Variants in PDGFC observed in about 807,000 individuals in gnomAD.
The protein encoded by PDGFC is platelet derived growth factor C.
In PDGFC, 12 loss-of-function variants were observed where a neutral mutation model predicts 35.5. That is an observed-to-expected ratio of 0.34 (90% CI 0.22 to 0.55). The LOEUF is 0.55. PDGFC is among the 20% of genes least tolerant of loss of function. The pLI is 0.91. For missense variants in PDGFC, 322 were observed against 412.4 expected (o/e 0.78, Z 1.90); for synonymous variants, 159 against 148.8 (o/e 1.07, Z -0.50).
At chr4:156,908,962 A>G (rs1054458315) in intron 1 of PDGFC, among the ~76,000 whole-genome samples, 1 of 152,232 alleles carries the variant, frequency 6.6e-6, no homozygotes, top group African/African-American at 2.4e-5. Flanking sequence ...CATTATGGTA[A>G]GGGAAAGGAG....
intron 1 of PDGFC, among the ~76,000 whole-genome samples, chr4:156,950,188 G>A (rs529778854): frequency 5.3e-5 from 8 of 151,928 alleles, no homozygotes; most frequent in East Asian, 3.9e-4. Flanking sequence ...GTTATCTGCC[G>A]AAAAGTAGTA....
At chr4:156,870,474 CT>C (rs1222778401) in intron 1 of PDGFC, among the ~76,000 whole-genome samples, 1 of 152,060 alleles carries the variant, frequency 6.6e-6, no homozygotes, top group Non-Finnish European at 1.5e-5. Flanking sequence ...ATATTATTAT[CT>C]TCTACTTCAT....
chr4:156,825,611 G>T lies in PDGFC; in HGVS notation c.315-14594C>A, dbSNP rs976629027. On this transcript the variant is annotated intron_variant, in intron 2 of 5. Coordinates refer to ENST00000502773, the MANE Select transcript of PDGFC (RefSeq NM_016205.3). ...ATAATAATAAGAAGAAGAAGAAGAAGAAGAAGAAGAAGAAGAAGAAGAAGA... is the reference window on the plus strand; with the variant it reads ...ATAATAATAAGAAGAAGAAGAAGAATAAGAAGAAGAAGAAGAAGAAGAAGA... Among the ~76,000 whole-genome samples the T allele has an allele frequency of 2.8e-3, 360 of 129,662 alleles. 1 individual carries two copies. Among genetic ancestry groups the T allele is most frequent in the African/African-American group, 4.9e-3 (166 of 33,814 alleles). 85.1% of individuals were successfully genotyped at this position (129,662 alleles called of 152,430 possible).
intron 1 of PDGFC, among the ~76,000 whole-genome samples, chr4:156,965,892 C>T (rs17035469): frequency 0.42 from 63,143 of 151,890 alleles, 13,803 homozygotes; most frequent in African/African-American, 0.54. Context: ...ACAATCAGTA[C>T]GGCAGGAACA....
chr4:156,942,315 C>T (rs538831315), intron 1 of PDGFC, among the ~76,000 whole-genome samples: 1 of 152,012 alleles, frequency 6.6e-6, no homozygotes, highest in Admixed American at 6.6e-5. Context: ...ATCGAATGTA[C>T]TTTATTTTTC....
chr4:156,826,409 G>A lies in PDGFC; in HGVS notation c.315-15392C>T, dbSNP rs190780594. 2.5e-3 allele frequency among the ~76,000 whole-genome samples: 377 copies of A among 151,956 alleles called. 5 individuals carry two copies. The highest frequency in any genetic ancestry group is 8.7e-3 in the African/African-American group (360 of 41,462). On this transcript the variant is annotated intron_variant, in intron 2 of 5. Coordinates refer to ENST00000502773, the MANE Select transcript of PDGFC (RefSeq NM_016205.3). ...GTAGAGACAGGGTTTCACCCTGTTA[G>A]CCAGGTTGGTCTTGAACTCCTGACC...
intron 1 of PDGFC, among the ~76,000 whole-genome samples, chr4:156,951,020 CT>C (rs1732067667): frequency 6.6e-6 from 1 of 151,814 alleles, no homozygotes; most frequent in African/African-American, 2.4e-5. Context: ...ATATATACTT[CT>C]CTTTCACCTC....
intron 3 of PDGFC, among the ~76,000 whole-genome samples, chr4:156,792,764 A>T (rs1387661432): frequency 6.6e-6 from 1 of 152,204 alleles, no homozygotes; most frequent in African/African-American, 2.4e-5. Flanking sequence ...TAATGCAGAG[A>T]ACAAATTTCA....
intron 1 of PDGFC, among the ~76,000 whole-genome samples, chr4:156,967,026 C>CT (rs377133242): frequency 0.22 from 30,018 of 136,792 alleles, 3,933 homozygotes; most frequent in Non-Finnish European, 0.3. Context: ...GAAGTTTTTT[C>CT]TTTTTTTTTT....
At position 156,767,891 on chromosome 4, in the gene PDGFC, G is replaced by A; in HGVS notation, c.803C>T (p.Thr268Ile). The change falls in exon 5 of 6, where the codon ACC becomes ATC. Residue 268 changes from threonine to isoleucine, a missense_variant. Thr to Ile is a moderately conservative substitution (Grantham distance 89). Coordinates refer to ENST00000502773, the MANE Select transcript of PDGFC (RefSeq NM_016205.3). ...SIREELKRTD[T>I]IFWPGCLLVK... ...CAGGAGACAACCTGGCCAGAAAATG[G>A]TATCGGTTCTCTTTAGTTCTTCCCT... The A allele has an allele frequency of 6.2e-7, 1 of 1,613,004 alleles. No individual in the cohort carries two copies. The highest frequency in any genetic ancestry group is 1.6e-4 in the Middle Eastern group (1 of 6,062).
chr4:156,770,953 C>T (rs1301645558), intron 4 of PDGFC, among the ~76,000 whole-genome samples: 17 of 151,980 alleles, frequency 1.1e-4, no homozygotes, highest in Admixed American at 1.1e-3. Flanking sequence ...ACTCCTTATT[C>T]CTTTGTAGAG....
intron 1 of PDGFC, among the ~76,000 whole-genome samples, chr4:156,871,353 A>T (rs1027994184): frequency 3.9e-5 from 6 of 152,166 alleles, no homozygotes; most frequent in African/African-American, 1.4e-4. Flanking sequence ...AAAACTAGCA[A>T]TTATAAGGAC....
intron 2 of PDGFC, among the ~76,000 whole-genome samples, chr4:156,811,891 G>A (rs972418889): frequency 3.9e-5 from 6 of 151,968 alleles, no homozygotes; most frequent in Admixed American, 2.0e-4. Flanking sequence ...CAAGGTCCAC[G>A]AATGCCCAAC....
chr4:156,831,136 C>T (rs985372916), intron 2 of PDGFC, among the ~76,000 whole-genome samples: 3 of 152,028 alleles, frequency 2.0e-5, no homozygotes, highest in Middle Eastern at 3.2e-3. Flanking sequence ...GGAGTGAATT[C>T]GCACATACAT....
At chr4:156,970,452 T>G (rs1015275438) in intron 1 of PDGFC, among the ~76,000 whole-genome samples, 3 of 152,188 alleles carry the variant, frequency 2.0e-5, no homozygotes, top group African/African-American at 7.2e-5. Flanking sequence ...TCATTCATTT[T>G]GGATTCGTTT....
At chr4:156,815,361 CACACA>C (rs1337628693) in intron 2 of PDGFC, among the ~76,000 whole-genome samples, 7 of 148,504 alleles carry the variant, frequency 4.7e-5, no homozygotes, top group Admixed American at 1.3e-4. Flanking sequence ...CACACACACA[CACACA>C]CCCCGTTGTC....
At chr4:156,839,899 C>T (rs898131626) in intron 2 of PDGFC, among the ~76,000 whole-genome samples, 10 of 152,092 alleles carry the variant, frequency 6.6e-5, no homozygotes, top group African/African-American at 1.9e-4. Context: ...AAGAGACTGG[C>T]GGTTTTTTGC....
At chr4:156,771,550 C>T (rs1730693736) in intron 4 of PDGFC, among the ~76,000 whole-genome samples, 1 of 152,144 alleles carries the variant, frequency 6.6e-6, no homozygotes, top group African/African-American at 2.4e-5. Flanking sequence ...CACTTGAACA[C>T]TGATTTCAAA....
intron 2 of PDGFC, among the ~76,000 whole-genome samples, chr4:156,848,662 T>G: frequency 6.6e-6 from 1 of 152,124 alleles, no homozygotes; most frequent in East Asian, 1.9e-4. Flanking sequence ...CATTGATACA[T>G]ATTTCAAAAC....
Sources: gnomAD v4.1 joint callset for allele counts (sites outside exome capture counted in the v4.1 genomes callset) on GRCh38, gnomAD v4.1.1 for gene constraint, MANE v1.5 for transcripts, NCBI Gene and HGNC (gene_info 2026-07-23, HGNC 2026-07-21) for gene names.